Variants in RPH3AL observed in about 807,000 individuals in gnomAD.
RPH3AL encodes the protein rab effector Noc2.
RPH3AL carries 38 observed loss-of-function variants against 43.1 expected under a neutral mutation model. That is an observed-to-expected ratio of 0.88 (90% confidence interval 0.68 to 1.15). RPH3AL has a LOEUF of 1.15. Among genes scored for constraint, RPH3AL ranks in the 50% most tolerant of loss-of-function variants. The pLI, the probability that RPH3AL is intolerant of heterozygous loss-of-function variation, is 0.00. For missense variants in RPH3AL, 462 were observed against 423.2 expected, an observed-to-expected ratio of 1.09 and a Z score of -0.81; for synonymous variants, 189 against 176.3, an observed-to-expected ratio of 1.07 and a Z score of -0.57.
chr17:324,515 G>A (rs936336410), intron 3 of RPH3AL, among the ~76,000 whole-genome samples: 9 of 152,134 alleles, frequency 5.9e-5, no homozygotes, highest in African/African-American at 1.9e-4. Context: ...TCCCCTGCAC[G>A]TTCCCCGCAC....
At chr17:238,515 G>A (rs536134240) in intron 7 of RPH3AL, among the ~76,000 whole-genome samples, 12 of 152,278 alleles carry the variant, frequency 7.9e-5, no homozygotes, top group East Asian at 5.8e-4. Flanking sequence ...GACTCCAGCC[G>A]CGCCTTTATC....
chr17:304,752 T>C (rs1366885077), intron 5 of RPH3AL, among the ~76,000 whole-genome samples: 1 of 152,188 alleles, frequency 6.6e-6, no homozygotes, highest in African/African-American at 2.4e-5. Context: ...CGTGACACTC[T>C]TCTTCTTTTG....
At chr17:282,029 C>G (rs1248291176) in intron 5 of RPH3AL, among the ~76,000 whole-genome samples, 175 bp from the exon 6 acceptor site, 2 of 152,196 alleles carry the variant, frequency 1.3e-5, no homozygotes, top group Non-Finnish European at 2.9e-5. Flanking sequence ...CCTTAGTTGG[C>G]TTTGGACGTA....
chr17:319,384 G>A, intron 5 of RPH3AL, 36 bp downstream of exon 5: 1 of 1,604,504 alleles, frequency 6.2e-7, no homozygotes, highest in Non-Finnish European at 8.5e-7. Context: ...GTCCAGGCTG[G>A]GAAGCCAGAA....
chr17:264,235 A>T lies in RPH3AL; in HGVS notation c.439-16950T>A, dbSNP rs183610326. ...ACTCAAACCCGAATAGAACCACCCT[A>T]CCTCAAAGTTCTGGCTGACAGCAGG... On this transcript the variant is annotated intron_variant, in intron 6 of 9. Transcript: ENST00000331302. This position sits in a 1 kb window ranked among gnomAD's most constrained non-coding sequence, Gnocchi z 4.8. 1.3e-3 allele frequency among the ~76,000 whole-genome samples: 198 copies of T among 152,140 alleles called. No homozygotes were observed. The highest frequency in any genetic ancestry group is 2.5e-3 in the Non-Finnish European group (168 of 67,962).
chr17:303,411 A>G (rs909967296), intron 5 of RPH3AL, among the ~76,000 whole-genome samples: 1 of 152,104 alleles, frequency 6.6e-6, no homozygotes, highest in African/African-American at 2.4e-5. Flanking sequence ...TCACGAAAAA[A>G]AAAAAGATTT....
intron 1 of RPH3AL, among the ~76,000 whole-genome samples, chr17:342,035 T>TAAAC (rs1258546754): frequency 7.9e-5 from 12 of 152,290 alleles, no homozygotes; most frequent in Admixed American, 3.3e-4. Context: ...CAATTCCATT[T>TAAAC]AAACATGGGC....
At chr17:259,523 G>A (rs1555545595) in intron 6 of RPH3AL, among the ~76,000 whole-genome samples, 1 of 152,138 alleles carries the variant, frequency 6.6e-6, no homozygotes, top group Non-Finnish European at 1.5e-5. Flanking sequence ...AGGAATAGTG[G>A]CAGGAAAAGC....
intron 1 of RPH3AL, among the ~76,000 whole-genome samples, chr17:334,980 G>A (rs575387221): frequency 1.9e-4 from 29 of 152,268 alleles, no homozygotes; most frequent in African/African-American, 4.8e-4. Context: ...TCACCTCTTC[G>A]ATCTTGTTTC....
At chr17:238,943 A>C (rs1459779917) in intron 7 of RPH3AL, among the ~76,000 whole-genome samples, 2 of 152,184 alleles carry the variant, frequency 1.3e-5, no homozygotes, top group Non-Finnish European at 1.5e-5. Flanking sequence ...ATATATGAGC[A>C]ATGGTATGCC....
chr17:266,575 C>T (rs2042330195), intron 6 of RPH3AL, among the ~76,000 whole-genome samples: 1 of 152,194 alleles, frequency 6.6e-6, no homozygotes, highest in Admixed American at 6.5e-5. Flanking sequence ...GGCAGCAAAG[C>T]TCCCCACTCA....
intron 7 of RPH3AL, among the ~76,000 whole-genome samples, chr17:220,451 C>A (rs200818279): frequency 0.13 from 8,096 of 61,444 alleles, no homozygotes; most frequent in African/African-American, 0.23. Flanking sequence ...TAGACCCAAG[C>A]ACAACAGCTC....
intron 5 of RPH3AL, among the ~76,000 whole-genome samples, chr17:304,378 A>G (rs1042687516): frequency 2.0e-5 from 3 of 152,098 alleles, no homozygotes; most frequent in Non-Finnish European, 4.4e-5. Flanking sequence ...GGGAGGCAGA[A>G]TCCAGCGTTC....
chr17:241,341 A>T (rs35026216), intron 7 of RPH3AL, among the ~76,000 whole-genome samples: 59,293 of 151,920 alleles, frequency 0.39, 11,812 homozygotes, highest in East Asian at 0.53. Context: ...GGCTGCAGCG[A>T]GCCATGATTG....
At chr17:247,707 G>A (rs1185069000) in intron 6 of RPH3AL, 1 of 169,914 alleles carries the variant, frequency 5.9e-6, no homozygotes, top group African/African-American at 2.4e-5. Flanking sequence ...CTCAATATGG[G>A]CCTGGCATGT....
chr17:331,821 G>A (rs2044776529), intron 2 of RPH3AL: 1 of 1,289,140 alleles, frequency 7.8e-7, no homozygotes. Flanking sequence ...AAACTCCAGA[G>A]AGCAGTGCCC....
rs999582450 is a variant in RPH3AL at position 274,329 on chromosome 17, T to C, written c.438+7439A>G. Among the ~76,000 whole-genome samples the C allele has an allele frequency of 1.3e-5, 2 of 152,160 alleles. No homozygotes were observed. The highest frequency in any genetic ancestry group is 4.8e-5 in the African/African-American group (2 of 41,444). Reference sequence around the variant, plus strand: ...TGCCATGGACCACCTGGGCCTCGCCTGCCCACCTGGGCCTCGCCTGCCTGG... The same window carrying C: ...TGCCATGGACCACCTGGGCCTCGCCCGCCCACCTGGGCCTCGCCTGCCTGG... On this transcript the variant is annotated intron_variant, in intron 6 of 9. Transcript: ENST00000331302. The surrounding 1 kb of genome is among the most constrained non-coding windows in gnomAD (Gnocchi z 4.7).
intron 6 of RPH3AL, among the ~76,000 whole-genome samples, chr17:258,943 A>G (rs887375322): frequency 2.0e-5 from 3 of 151,942 alleles, no homozygotes; most frequent in African/African-American, 7.3e-5. Context: ...CCACTTTTGA[A>G]CTATCAAAAA....
chr17:346,390 C>T (rs1178509257), intron 1 of RPH3AL, among the ~76,000 whole-genome samples: 5 of 135,312 alleles, frequency 3.7e-5, no homozygotes, highest in South Asian at 2.4e-4. Flanking sequence ...TACAGTTCCA[C>T]GTGGCTGGGG....
Sources: allele counts gnomAD v4.1 joint callset (sites outside exome capture counted in the v4.1 genomes callset), GRCh38; gene constraint gnomAD v4.1.1; non-coding constraint Gnocchi (gnomAD v3.1); transcripts MANE v1.5; gene names NCBI Gene and HGNC (gene_info 2026-07-23, HGNC 2026-07-21).